ICA1: variants seen among roughly 807,000 people sequenced by gnomAD.
ICA1 encodes islet cell autoantigen 1.
In ICA1, 40 loss-of-function variants were observed where a neutral mutation model predicts 71.0. The observed-to-expected ratio is 0.56, with a 90% confidence interval of 0.44 to 0.73. ICA1 has a LOEUF of 0.73. Among genes scored for constraint, ICA1 ranks in the 30% least tolerant of loss-of-function variants. The probability of loss-of-function intolerance (pLI) is 0.00; values close to 1 mark genes in which losing one functional copy is unlikely to be tolerated. For missense variants in ICA1, 578 were observed against 576.5 expected, an observed-to-expected ratio of 1.00 and a Z score of -0.03; for synonymous variants, 207 against 209.5, an observed-to-expected ratio of 0.99 and a Z score of 0.10.
intron 6 of ICA1, among the ~76,000 whole-genome samples, chr7:8,211,724 C>T (rs934798589): frequency 6.6e-6 from 1 of 152,062 alleles, no homozygotes; most frequent in Non-Finnish European, 1.5e-5. Flanking sequence ...ATTTTAAAAC[C>T]TCACACTTTC....
At chr7:8,136,110 T>C (rs1467194181) in intron 12 of ICA1, among the ~76,000 whole-genome samples, 2 of 152,192 alleles carry the variant, frequency 1.3e-5, no homozygotes, top group Non-Finnish European at 2.9e-5. Context: ...ATATTAGCTA[T>C]TTAGTAGGAG....
intron 13 of ICA1, among the ~76,000 whole-genome samples, chr7:8,116,919 T>C (rs899398395): frequency 4.6e-5 from 7 of 152,230 alleles, no homozygotes; most frequent in African/African-American, 1.4e-4. Flanking sequence ...GCTTGTGATA[T>C]GGTTAGGCTT....
At chr7:8,203,916 T>C (rs1192542916) in intron 6 of ICA1, among the ~76,000 whole-genome samples, 1 of 152,064 alleles carries the variant, frequency 6.6e-6, no homozygotes, top group Non-Finnish European at 1.5e-5. Flanking sequence ...TCTTGCAGGA[T>C]TCAGGCGCCA....
intron 6 of ICA1, among the ~76,000 whole-genome samples, chr7:8,212,297 G>A (rs1022223571): frequency 2.0e-5 from 3 of 152,192 alleles, no homozygotes; most frequent in Non-Finnish European, 2.9e-5. Flanking sequence ...AGGCACTGTG[G>A]CTCACACCTG....
At chr7:8,190,058 A>G (rs1398198073) in intron 6 of ICA1, among the ~76,000 whole-genome samples, 1 of 152,236 alleles carries the variant, frequency 6.6e-6, no homozygotes, top group Admixed American at 6.5e-5. Context: ...ATTATGCAGT[A>G]GCCTGGCAAC....
chr7:8,240,449 G>C (rs139002849), intron 1 of ICA1, among the ~76,000 whole-genome samples: 10 of 152,060 alleles, frequency 6.6e-5, no homozygotes, highest in Non-Finnish European at 7.4e-5. Context: ...GATAAAACCA[G>C]AGCAGAAACC....
chr7:8,214,846 G>A (rs1794906735), intron 6 of ICA1, among the ~76,000 whole-genome samples: 1 of 152,096 alleles, frequency 6.6e-6, no homozygotes, highest in Admixed American at 6.6e-5. Context: ...AAAAAGCCTT[G>A]GTTGGAAGTG....
chr7:8,140,961 A>G (rs1221087958), intron 10 of ICA1, among the ~76,000 whole-genome samples: 1 of 152,188 alleles, frequency 6.6e-6, no homozygotes, highest in Non-Finnish European at 1.5e-5. Context: ...AAGCAGGAAG[A>G]GATGCATATG....
chr7:8,221,454 G>C (rs1797042335), intron 4 of ICA1, 56 bp from the exon 5 acceptor site: 14 of 1,593,866 alleles, frequency 8.8e-6, no homozygotes, highest in Non-Finnish European at 1.2e-5. Flanking sequence ...GATTGCAAAG[G>C]GAACAAGAAA....
rs117462635 is a variant in ICA1, at chr7:8,198,625, G to A, written c.579+19680C>T. ...GCGTCATAAGGCCTGAACAAGAGCC[G>A]AGATGACAGACTTAAGAAGACATAG... On this transcript the variant is annotated intron_variant, in intron 6 of 13. Coordinates refer to ENST00000402384, the MANE Select transcript of ICA1 (RefSeq NM_001136020.3). Among the ~76,000 whole-genome samples the A allele has an allele frequency of 2.0e-4, 30 of 152,324 alleles. No homozygotes were observed. The East Asian group carries it at 5.2e-3, about 26-fold the overall frequency.
At chr7:8,116,510 G>A (rs1474837425) in intron 13 of ICA1, 1 of 152,234 alleles carries the variant, frequency 6.6e-6, no homozygotes, top group African/African-American at 2.4e-5. Context: ...TATGAAAAAT[G>A]AAGGAAAAGG....
rs1797403204 is a variant in ICA1 at position 8,222,419 on chromosome 7, G to A, written c.257-1021C>T. Among the ~76,000 whole-genome samples the A allele has an allele frequency of 6.6e-6, 1 of 151,994 alleles. No homozygotes were observed. Among genetic ancestry groups the A allele is most frequent in the African/African-American group, 2.4e-5 (1 of 41,366 alleles). ...TACTTTTATTTCCTATTTCTGTATT[G>A]ATGTATTTACATACCCTGTGTCTCT... On this transcript the variant is annotated intron_variant, in intron 4 of 13. Transcript: ENST00000402384. The surrounding 1 kb of genome is among the most constrained non-coding windows in gnomAD (Gnocchi z 4.8).
At chr7:8,140,584 T>C (rs1052004028) in intron 10 of ICA1, among the ~76,000 whole-genome samples, 1 of 152,236 alleles carries the variant, frequency 6.6e-6, no homozygotes, top group African/African-American at 2.4e-5. Flanking sequence ...CCCTTTTGAC[T>C]GTCAGCCTCA....
chr7:8,196,057 A>G (rs183836811), intron 6 of ICA1, among the ~76,000 whole-genome samples: 8 of 152,300 alleles, frequency 5.3e-5, no homozygotes, highest in Admixed American at 5.2e-4. Context: ...GAACCTATAC[A>G]TGAATGTTTA....
chr7:8,156,900 G>T (rs1451122310), intron 8 of ICA1: 32 of 1,522,058 alleles, frequency 2.1e-5, no homozygotes, highest in Non-Finnish European at 2.7e-5. Flanking sequence ...GATTGCAGTA[G>T]ATTCTCATTG....
At chr7:8,140,834 T>C (rs905284383) in intron 10 of ICA1, among the ~76,000 whole-genome samples, 1 of 152,116 alleles carries the variant, frequency 6.6e-6, no homozygotes, top group African/African-American at 2.4e-5. Flanking sequence ...GAGAAGCAAG[T>C]GGGTGGAAAG....
rs564211306 is a variant in ICA1, at chr7:8,178,740, A to G, written c.580-20088T>C. On this transcript the variant is annotated intron_variant, in intron 6 of 13. Coordinates refer to ENST00000402384, the MANE Select transcript of ICA1 (RefSeq NM_001136020.3). ...ATTTATTTGCTCCTTCCTGCTGGAA[A>G]TTACCTTATTCTAATTTGCTCTGCT... Among the ~76,000 whole-genome samples, 11 of 152,260 alleles carry G rather than the reference A, an allele frequency of 7.2e-5. 1 individual carries two copies. The South Asian group carries it at 2.3e-3, about 32-fold the overall frequency.
chr7:8,214,430 G>A (rs1027416562), intron 6 of ICA1, among the ~76,000 whole-genome samples: 2 of 152,160 alleles, frequency 1.3e-5, no homozygotes, highest in African/African-American at 4.8e-5. Flanking sequence ...GGTGAATCAC[G>A]CTGTCAGGAG....
intron 8 of ICA1, among the ~76,000 whole-genome samples, chr7:8,146,468 C>G (rs1471442712): frequency 1.3e-5 from 2 of 152,128 alleles, no homozygotes; most frequent in African/African-American, 4.8e-5. Context: ...ATGGGGAGAA[C>G]ATTCCCGTAC....
Sources: gnomAD v4.1 joint callset for allele counts (sites outside exome capture counted in the v4.1 genomes callset) on GRCh38, gnomAD v4.1.1 for gene constraint, Gnocchi (gnomAD v3.1) non-coding constraint, MANE v1.5 for transcripts, NCBI Gene and HGNC (gene_info 2026-07-23, HGNC 2026-07-21) for gene names.